The following ARHGAP24 variants were observed in gnomAD, a reference collection of about 807,000 sequenced individuals.
ARHGAP24 encodes Rho GTPase activating protein 24, also known as rho GTPase-activating protein 24.
ARHGAP24 carries 50 observed loss-of-function variants against 76.4 expected under a neutral mutation model. The ratio of observed to expected loss-of-function variants is 0.65; its 90% confidence interval spans 0.52 to 0.83. The LOEUF (loss-of-function observed/expected upper bound fraction) is 0.83, where lower values mean the gene tolerates loss of function less well. Among genes scored for constraint, ARHGAP24 ranks in the 40% least tolerant of loss-of-function variants. The probability of loss-of-function intolerance (pLI) is 0.00; values close to 1 mark genes in which losing one functional copy is unlikely to be tolerated. For synonymous variants in ARHGAP24, 345 were observed against 323.3 expected (o/e 1.07, Z -0.72); for missense variants, 930 against 914.2 (o/e 1.02, Z -0.22).
At chr4:85,957,621 A>G (rs142271039) in intron 5 of ARHGAP24, among the ~76,000 whole-genome samples, 1 of 152,338 alleles carries the variant, frequency 6.6e-6, no homozygotes, top group African/African-American at 2.4e-5. Context: ...AATAACCCAC[A>G]CTTTGGGAAA....
chr4:85,557,089 G>A (rs1726409797), intron 1 of ARHGAP24, among the ~76,000 whole-genome samples: 1 of 152,162 alleles, frequency 6.6e-6, no homozygotes, highest in Non-Finnish European at 1.5e-5. Flanking sequence ...AACAAAAATG[G>A]CAGGCTACCT....
intron 1 of ARHGAP24, among the ~76,000 whole-genome samples, chr4:85,561,746 C>T (rs1465578230): frequency 2.6e-5 from 4 of 152,036 alleles, no homozygotes; most frequent in Non-Finnish European, 4.4e-5. Context: ...GCATTCGACA[C>T]GTAACTGTGT....
At chr4:85,980,808 A>G (rs1463419149) in intron 8 of ARHGAP24, among the ~76,000 whole-genome samples, 1 of 152,224 alleles carries the variant, frequency 6.6e-6, no homozygotes, top group East Asian at 1.9e-4. Context: ...AGTAATATGA[A>G]GATGCTGTTG....
intron 1 of ARHGAP24, among the ~76,000 whole-genome samples, chr4:85,500,282 C>T (rs1723752659): frequency 6.6e-6 from 1 of 152,130 alleles, no homozygotes; most frequent in Non-Finnish European, 1.5e-5. Flanking sequence ...CTTATGACAG[C>T]CCAGATTTCT....
intron 1 of ARHGAP24, among the ~76,000 whole-genome samples, chr4:85,482,603 C>G (rs1722860453): frequency 6.6e-6 from 1 of 152,058 alleles, no homozygotes; most frequent in African/African-American, 2.4e-5. Flanking sequence ...GGAGAAAAGG[C>G]AAATCCAGAG....
chr4:85,636,580 A>G (rs1721315180), intron 2 of ARHGAP24, among the ~76,000 whole-genome samples: 1 of 152,010 alleles, frequency 6.6e-6, no homozygotes, highest in Non-Finnish European at 1.5e-5. Context: ...AGACACACAC[A>G]CACTCAGTGC....
At chr4:85,683,119 G>GGC (rs1479684265) in intron 2 of ARHGAP24, among the ~76,000 whole-genome samples, 1,442 of 79,932 alleles carry the variant, frequency 0.018, 42 homozygotes, top group African/African-American at 0.07. Context: ...TGGGGGGGTG[G>GGC]GGGGGGGGTG....
chr4:85,516,351 C>T (rs1041962419), intron 1 of ARHGAP24, among the ~76,000 whole-genome samples: 1 of 152,136 alleles, frequency 6.6e-6, no homozygotes, highest in African/African-American at 2.4e-5. Flanking sequence ...ATATGTCTAA[C>T]TCATATTTGT....
chr4:85,971,036 G>A (rs1738940003), intron 5 of ARHGAP24, among the ~76,000 whole-genome samples: 1 of 152,162 alleles, frequency 6.6e-6, no homozygotes, highest in Non-Finnish European at 1.5e-5. Flanking sequence ...TTCAAGTTAT[G>A]TAAAGGACGT....
intron 3 of ARHGAP24, among the ~76,000 whole-genome samples, chr4:85,773,691 A>G (rs1181042176): frequency 6.6e-6 from 1 of 152,198 alleles, no homozygotes; most frequent in Admixed American, 6.5e-5. Flanking sequence ...CATTTGGCAC[A>G]TTATATGGGC....
intron 2 of ARHGAP24, among the ~76,000 whole-genome samples, chr4:85,611,573 T>C (rs931692117): frequency 9.8e-5 from 15 of 152,342 alleles, no homozygotes; most frequent in African/African-American, 3.4e-4. Context: ...TAGTCAATAC[T>C]ACAAAAATCA....
intron 2 of ARHGAP24, among the ~76,000 whole-genome samples, chr4:85,571,282 G>A (rs1174784646): frequency 1.3e-5 from 2 of 152,260 alleles, no homozygotes; most frequent in East Asian, 3.9e-4. Context: ...GTTCCTTAGT[G>A]GTTCTTTATT....
At chr4:85,621,119 T>A (rs528538171) in intron 2 of ARHGAP24, among the ~76,000 whole-genome samples, 1 of 152,134 alleles carries the variant, frequency 6.6e-6, no homozygotes, top group Admixed American at 6.6e-5. Context: ...ATTCTTTTTT[T>A]GTGGCTGTGT....
At chr4:85,972,962 C>T (rs1191866544) in intron 6 of ARHGAP24, among the ~76,000 whole-genome samples, 1 of 152,154 alleles carries the variant, frequency 6.6e-6, no homozygotes, top group African/African-American at 2.4e-5. Context: ...ATCCATTCAT[C>T]AGAGAGACCT....
intron 3 of ARHGAP24, among the ~76,000 whole-genome samples, chr4:85,768,598 A>G (rs1268424816): frequency 6.6e-6 from 1 of 151,944 alleles, no homozygotes; most frequent in Admixed American, 6.6e-5. Context: ...TTAGCCGGGC[A>G]TGGTGGCGCG....
At chr4:85,511,959 G>T (rs1724305058) in intron 1 of ARHGAP24, among the ~76,000 whole-genome samples, 1 of 152,116 alleles carries the variant, frequency 6.6e-6, no homozygotes, top group Non-Finnish European at 1.5e-5. Context: ...TCTCCCTGTG[G>T]GTCTCACTGT....
At chr4:85,851,918 T>G (rs1731258162) in intron 3 of ARHGAP24, among the ~76,000 whole-genome samples, 1 of 152,270 alleles carries the variant, frequency 6.6e-6, no homozygotes, top group East Asian at 1.9e-4. Context: ...AATCTGACAA[T>G]TATGTGTCTG....
intron 1 of ARHGAP24, among the ~76,000 whole-genome samples, chr4:85,536,942 A>G (rs186877096): frequency 2.8e-4 from 43 of 152,274 alleles, no homozygotes; most frequent in African/African-American, 8.7e-4. Flanking sequence ...AGGCACAACA[A>G]TTTATTGCAT....
intron 1 of ARHGAP24, among the ~76,000 whole-genome samples, chr4:85,562,553 G>T (rs1726639822): frequency 6.6e-6 from 1 of 152,076 alleles, no homozygotes; most frequent in African/African-American, 2.4e-5. Context: ...TGATGGAAAT[G>T]AAAATGTTTG....
Sources: gnomAD v4.1 joint callset for allele counts (sites outside exome capture counted in the v4.1 genomes callset) on GRCh38, gnomAD v4.1.1 for gene constraint, MANE v1.5 for transcripts, NCBI Gene and HGNC (gene_info 2026-07-23, HGNC 2026-07-21) for gene names.